AOPEP: variants seen among roughly 807,000 people sequenced by gnomAD.
The protein encoded by AOPEP is aminopeptidase O.
AOPEP carries 77 observed loss-of-function variants against 98.1 expected under a neutral mutation model. The observed-to-expected ratio is 0.78, with a 90% CI of 0.65 to 0.95. The LOEUF (loss-of-function observed/expected upper bound fraction) is 0.95, where lower values mean the gene tolerates loss of function less well. Among genes scored for constraint, AOPEP ranks in the 40% least tolerant of loss-of-function variants. AOPEP has a pLI of 0.00. For missense variants in AOPEP, 1,024 were observed against 1,024.7 expected, an observed-to-expected ratio of 1.00 and a Z score of 0.01; for synonymous variants, 346 against 365.3, an observed-to-expected ratio of 0.95 and a Z score of 0.60.
intron 5 of AOPEP, among the ~76,000 whole-genome samples, chr9:94,864,425 A>G (rs894493154): frequency 6.6e-6 from 1 of 152,236 alleles, no homozygotes; most frequent in African/African-American, 2.4e-5. Flanking sequence ...TTGTGCCAGT[A>G]AATCTCTATG....
At chr9:94,944,065 A>G (rs545352898) in intron 7 of AOPEP, among the ~76,000 whole-genome samples, 44 of 152,210 alleles carry the variant, frequency 2.9e-4, no homozygotes, top group African/African-American at 9.4e-4. Context: ...GTGAGATACC[A>G]CTTCATACCT....
intron 14 of AOPEP, among the ~76,000 whole-genome samples, chr9:95,063,061 C>T (rs2067468090): frequency 6.6e-6 from 1 of 152,210 alleles, no homozygotes; most frequent in South Asian, 2.1e-4. Flanking sequence ...AGTCAGCCAT[C>T]TTGTATGTAG....
At chr9:95,019,608 G>A (rs1479880823) in intron 13 of AOPEP, 1 of 152,200 alleles carries the variant, frequency 6.6e-6, no homozygotes, top group African/African-American at 2.4e-5. Flanking sequence ...CACAGTTGCA[G>A]TGTTGCAGTG....
chr9:94,740,427 A>C (rs1832799755), intron 1 of AOPEP, among the ~76,000 whole-genome samples: 2 of 152,316 alleles, frequency 1.3e-5, no homozygotes, highest in Admixed American at 6.5e-5. Flanking sequence ...AGGATTAGCA[A>C]GGCTCCAAGA....
At chr9:94,850,598 G>A (rs565778964) in intron 5 of AOPEP, among the ~76,000 whole-genome samples, 5 of 152,274 alleles carry the variant, frequency 3.3e-5, no homozygotes, top group African/African-American at 7.2e-5. Context: ...TGAGCTCACC[G>A]CCCGACTCCA....
chr9:95,053,075 G>C (rs535322913), intron 13 of AOPEP, among the ~76,000 whole-genome samples: 1 of 152,092 alleles, frequency 6.6e-6, no homozygotes, highest in Non-Finnish European at 1.5e-5. Flanking sequence ...TCAGTACTTT[G>C]TTAGAGCACA....
intron 13 of AOPEP, among the ~76,000 whole-genome samples, chr9:95,022,915 A>C (rs1206301933): frequency 6.6e-6 from 1 of 152,130 alleles, no homozygotes; most frequent in Non-Finnish European, 1.5e-5. Flanking sequence ...GCTGTGGGTC[A>C]CCTGTGCTAT....
intron 10 of AOPEP, among the ~76,000 whole-genome samples, chr9:94,968,915 T>C (rs1356476965): frequency 6.6e-6 from 1 of 152,184 alleles, no homozygotes; most frequent in Non-Finnish European, 1.5e-5. Flanking sequence ...AACACTGAAG[T>C]TGAGCACATA....
At chr9:94,990,611 T>TTTAA (rs139232680) in intron 11 of AOPEP, among the ~76,000 whole-genome samples, 6,017 of 149,944 alleles carry the variant, frequency 0.04, 386 homozygotes, top group African/African-American at 0.13. Flanking sequence ...GATTATTTAA[T>TTTAA]TTAATTAATT....
chr9:95,028,359 T>C (rs549474374), intron 13 of AOPEP, among the ~76,000 whole-genome samples: 1 of 152,230 alleles, frequency 6.6e-6, no homozygotes, highest in South Asian at 2.1e-4. Flanking sequence ...TGGCCGTGGG[T>C]GTATGGAGTC....
At chr9:95,080,866 C>A in intron 15 of AOPEP, 86 bp downstream of exon 15, 2 of 911,304 alleles carry the variant, frequency 2.2e-6, no homozygotes, top group South Asian at 1.3e-5. Flanking sequence ...GTATCTCTTT[C>A]ATAACAAATA....
chr9:94,795,678 G>T (rs1396254998), intron 4 of AOPEP, among the ~76,000 whole-genome samples: 1 of 152,196 alleles, frequency 6.6e-6, no homozygotes, highest in Non-Finnish European at 1.5e-5. Flanking sequence ...CACTGACTCT[G>T]TGCTCTCTCC....
intron 5 of AOPEP, among the ~76,000 whole-genome samples, chr9:94,891,365 T>C (rs1197213563): frequency 2.6e-5 from 4 of 152,220 alleles, no homozygotes; most frequent in African/African-American, 9.6e-5. Flanking sequence ...GGGTTGGGTT[T>C]TACTTTTAAA....
intron 11 of AOPEP, among the ~76,000 whole-genome samples, chr9:94,993,646 T>C (rs912750369): frequency 6.6e-6 from 1 of 152,160 alleles, no homozygotes; most frequent in Non-Finnish European, 1.5e-5. Flanking sequence ...ATATTTTCCT[T>C]TGTAGGCCGA....
At chr9:94,994,738 G>C (rs566165220) in intron 11 of AOPEP, among the ~76,000 whole-genome samples, 1 of 152,102 alleles carries the variant, frequency 6.6e-6, no homozygotes, top group Non-Finnish European at 1.5e-5. Context: ...GATCACCTGA[G>C]GTCAGGAGTT....
intron 5 of AOPEP, among the ~76,000 whole-genome samples, chr9:94,802,262 G>A (rs906692855): frequency 1.8e-4 from 28 of 152,050 alleles, no homozygotes; most frequent in Non-Finnish European, 2.4e-4. Context: ...TTCATTAAAT[G>A]TTTCTTATTT....
intron 5 of AOPEP, among the ~76,000 whole-genome samples, chr9:94,838,379 T>C (rs1002716152): frequency 6.6e-6 from 1 of 152,220 alleles, no homozygotes; most frequent in Non-Finnish European, 1.5e-5. Context: ...CCTTAGCATC[T>C]TTATCAAAAA....
chr9:95,015,258 A>G (rs1384681680), intron 13 of AOPEP, among the ~76,000 whole-genome samples: 1 of 152,210 alleles, frequency 6.6e-6, no homozygotes, highest in South Asian at 2.1e-4. Context: ...ATTGATGTAT[A>G]TGTAAATAGT....
At chr9:94,958,344 T>G (rs2058607040) in intron 9 of AOPEP, among the ~76,000 whole-genome samples, 1 of 152,270 alleles carries the variant, frequency 6.6e-6, no homozygotes, top group East Asian at 1.9e-4. Context: ...AATACTGCTG[T>G]GACCATTAGT....
Sources: allele counts gnomAD v4.1 joint callset (sites outside exome capture counted in the v4.1 genomes callset), GRCh38; gene constraint gnomAD v4.1.1; transcripts MANE v1.5; gene names NCBI Gene and HGNC (gene_info 2026-07-23, HGNC 2026-07-21).